The following CNTLN variants were observed in gnomAD, a reference collection of about 807,000 sequenced individuals.
CNTLN encodes centlein.
CNTLN carries 212 observed loss-of-function variants against 180.0 expected under a neutral mutation model. The observed-to-expected ratio is 1.18, with a 90% CI of 1.05 to 1.32. The LOEUF (loss-of-function observed/expected upper bound fraction) is 1.32. CNTLN is among the 40% of genes most tolerant of loss of function. The pLI is 0.00. For synonymous variants in CNTLN, 722 were observed against 563.1 expected, an observed-to-expected ratio of 1.28 and a Z score of -3.99; for missense variants, 2,095 against 1,610.9, an observed-to-expected ratio of 1.30 and a Z score of -5.14.
chr9:17,343,834 C>A (rs143151290), intron 12 of CNTLN, among the ~76,000 whole-genome samples: 1 of 152,128 alleles, frequency 6.6e-6, no homozygotes, highest in African/African-American at 2.4e-5. Flanking sequence ...TGTCACTCCC[C>A]AGCCCTCCCA....
chr9:17,315,606 T>C (rs1019156256), intron 8 of CNTLN, among the ~76,000 whole-genome samples: 24 of 152,020 alleles, frequency 1.6e-4, no homozygotes, highest in African/African-American at 5.8e-4. Context: ...AGATTCCAAT[T>C]ACACACATAT....
chr9:17,239,702 C>A (rs1825372322), intron 5 of CNTLN, among the ~76,000 whole-genome samples: 4 of 152,082 alleles, frequency 2.6e-5, no homozygotes, highest in Admixed American at 2.6e-4. Context: ...TTAGTTGTTT[C>A]AGCACCATTT....
the CNTLN span, among the ~76,000 whole-genome samples, chr9:17,522,515 C>T: frequency 6.6e-6 from 1 of 152,140 alleles, no homozygotes; most frequent in Non-Finnish European, 1.5e-5. Flanking sequence ...CTTTTCATCA[C>T]TTCGGGGGCT....
chr9:17,267,965 C>T (rs1324308718), intron 5 of CNTLN, among the ~76,000 whole-genome samples: 1 of 152,030 alleles, frequency 6.6e-6, no homozygotes, highest in Non-Finnish European at 1.5e-5. Context: ...CTTTTAACTT[C>T]TTTCCCATTG....
intron 11 of CNTLN, among the ~76,000 whole-genome samples, chr9:17,341,724 A>T (rs1279870803): frequency 2.0e-5 from 3 of 152,194 alleles, no homozygotes; most frequent in African/African-American, 7.2e-5. Context: ...TGTTCAGAAA[A>T]TGAAAATGTA....
chr9:17,481,148 G>A (rs1360917805), intron 23 of CNTLN, among the ~76,000 whole-genome samples: 1 of 152,130 alleles, frequency 6.6e-6, no homozygotes, highest in Non-Finnish European at 1.5e-5. Flanking sequence ...CGCCGACCAA[G>A]GAGCCTAGTT....
chr9:17,149,971 C>A (rs747071567), intron 2 of CNTLN, among the ~76,000 whole-genome samples: 1 of 152,122 alleles, frequency 6.6e-6, no homozygotes, highest in Non-Finnish European at 1.5e-5. Context: ...AGTGTCTGTT[C>A]ATATCCTTTG....
intron 3 of CNTLN, 25 bp from the exon 4 acceptor site, chr9:17,235,633 C>T (rs1189764565): frequency 2.1e-6 from 3 of 1,432,798 alleles, no homozygotes; most frequent in East Asian, 2.7e-5. Flanking sequence ...AAAAGCTCAC[C>T]AGTAATTTAA....
In CNTLN at chr9:17,340,910, A is replaced by G; in HGVS notation, c.1728A>G (p.Val576=). 2 of 1,612,060 alleles carry G rather than the reference A, an allele frequency of 1.2e-6. No individual in the cohort carries two copies. The highest frequency in any genetic ancestry group is 8.5e-7 in the Non-Finnish European group (1 of 1,178,920). ...TGTTACAGACCAACTACAGAGCAGT[A>G]AAAGAGCAATTAAAACAGTGGGAAG... is the stretch of plus-strand genomic sequence containing the variant. ...LQMLQTNYRA[V]KEQLKQWEEG... The change falls in exon 11 of 26, where the codon GTA becomes GTG. Residue 576 remains valine (V), a synonymous_variant. Transcript: ENST00000380647.
At chr9:17,351,189 CT>C (rs1239962234) in intron 12 of CNTLN, among the ~76,000 whole-genome samples, 1 of 152,188 alleles carries the variant, frequency 6.6e-6, no homozygotes, top group African/African-American at 2.4e-5. Context: ...CCATTGCCAG[CT>C]TTTCCCCCTG....
intron 23 of CNTLN, among the ~76,000 whole-genome samples, chr9:17,478,742 G>A (rs765291358): frequency 6.6e-6 from 1 of 152,080 alleles, no homozygotes; most frequent in Non-Finnish European, 1.5e-5. Context: ...ATTTACTGGA[G>A]AGACTGTCCT....
intron 18 of CNTLN, among the ~76,000 whole-genome samples, chr9:17,450,655 T>C (rs1040095683): frequency 1.3e-5 from 2 of 152,160 alleles, no homozygotes; most frequent in African/African-American, 4.8e-5. Flanking sequence ...AGCAAAAGCA[T>C]TGGTGAAAAG....
intron 2 of CNTLN, among the ~76,000 whole-genome samples, chr9:17,204,302 C>T (rs1822760672): frequency 6.6e-6 from 1 of 151,940 alleles, no homozygotes; most frequent in Non-Finnish European, 1.5e-5. Flanking sequence ...GATTTATCTT[C>T]CTTTGATTTT....
intron 2 of CNTLN, among the ~76,000 whole-genome samples, chr9:17,196,031 T>G (rs1202128229): frequency 6.6e-6 from 1 of 152,090 alleles, no homozygotes; most frequent in African/African-American, 2.4e-5. Context: ...ATTATTATTT[T>G]TTACTTTTTT....
chr9:17,403,294 G>A (rs1352351057), intron 15 of CNTLN, among the ~76,000 whole-genome samples: 1 of 151,840 alleles, frequency 6.6e-6, no homozygotes, highest in Non-Finnish European at 1.5e-5. Flanking sequence ...AACAGGTATA[G>A]CTTCTACATG....
At position 17,188,695 on chromosome 9, in the gene CNTLN, T is replaced by C. The variant is rs189116157; in HGVS notation, c.450-37508T>C. Among the ~76,000 whole-genome samples, 772 of 152,294 alleles carry C rather than the reference T, an allele frequency of 5.1e-3. 5 individuals are homozygous for C. Among genetic ancestry groups the C allele is most frequent in the Admixed American group, 8.0e-3 (122 of 15,300 alleles). On this transcript the variant is annotated intron_variant, in intron 2 of 25. Coordinates refer to ENST00000380647, the MANE Select transcript of CNTLN (RefSeq NM_017738.4). ...TGTTTAATCTGCTGTTCATCCCTTC[T>C]AGTATATGTTTCATATAAGATTCTA...
At chr9:17,296,796 C>G (rs1275237870) in intron 6 of CNTLN, among the ~76,000 whole-genome samples, 2 of 152,018 alleles carry the variant, frequency 1.3e-5, no homozygotes, top group African/African-American at 4.8e-5. Flanking sequence ...TTGTGTATAT[C>G]CATGTATCTG....
chr9:17,179,234 A>G (rs1587024975), intron 2 of CNTLN, among the ~76,000 whole-genome samples: 1 of 122,382 alleles, frequency 8.2e-6, no homozygotes, highest in Admixed American at 8.8e-5. Flanking sequence ...ACAGAGCGAG[A>G]CTCCGTCTCA....
the CNTLN span, among the ~76,000 whole-genome samples, chr9:17,511,670 A>ACACACG: frequency 6.6e-6 from 1 of 150,408 alleles, no homozygotes; most frequent in Non-Finnish European, 1.5e-5. Context: ...ACACACACAC[A>ACACACG]CGCACACGTG....
Sources: allele counts gnomAD v4.1 joint callset (sites outside exome capture counted in the v4.1 genomes callset), GRCh38; gene constraint gnomAD v4.1.1; transcripts MANE v1.5; gene names NCBI Gene and HGNC (gene_info 2026-07-23, HGNC 2026-07-21).